SOX6: variants seen among roughly 807,000 people sequenced by gnomAD.
SOX6 encodes the protein transcription factor SOX-6.
SOX6 carries 11 observed loss-of-function variants against 97.8 expected under a neutral mutation model. That is an observed-to-expected ratio of 0.11 (90% CI 0.07 to 0.19). The LOEUF (loss-of-function observed/expected upper bound fraction) is 0.19, where lower values mean the gene tolerates loss of function less well. SOX6 is among the 10% of genes least tolerant of loss of function. The probability of loss-of-function intolerance (pLI) is 1.00; values close to 1 mark genes in which losing one functional copy is unlikely to be tolerated. For synonymous variants in SOX6, 360 were observed against 371.4 expected (o/e 0.97, Z 0.35); for missense variants, 810 against 1,039.5 (o/e 0.78, Z 3.04).
chr11:16,276,948 C>A (rs769731662), intron 3 of SOX6, among the ~76,000 whole-genome samples: 1 of 152,182 alleles, frequency 6.6e-6, no homozygotes, highest in Non-Finnish European at 1.5e-5. Flanking sequence ...TTTTAAAACA[C>A]TTAGCTTTTC....
At chr11:16,397,653 G>A (rs1206262144) in intron 1 of SOX6, 1 of 151,656 alleles carries the variant, frequency 6.6e-6, no homozygotes, top group East Asian at 1.9e-4. Context: ...ATTTATGAAG[G>A]TAGAAGGAAC....
chr11:16,627,085 A>G (rs1366683028), intron 3 of SOX6, among the ~76,000 whole-genome samples: 1 of 152,124 alleles, frequency 6.6e-6, no homozygotes, highest in Non-Finnish European at 1.5e-5. Flanking sequence ...TTGGTTTTCT[A>G]TTCCTGTGTT....
intron 4 of SOX6, among the ~76,000 whole-genome samples, chr11:16,504,033 A>G (rs1860747797): frequency 1.3e-5 from 2 of 149,194 alleles, no homozygotes; most frequent in Non-Finnish European, 1.5e-5. Context: ...ACAGAGTGAA[A>G]CTCCATCTCA....
At chr11:16,641,575 T>G (rs1239809865) in intron 3 of SOX6, among the ~76,000 whole-genome samples, 1 of 152,238 alleles carries the variant, frequency 6.6e-6, no homozygotes, top group Non-Finnish European at 1.5e-5. Context: ...ACTTGCTTTA[T>G]GAATCTGGGT....
intron 3 of SOX6, among the ~76,000 whole-genome samples, chr11:16,683,693 A>G (rs1409246303): frequency 6.6e-6 from 1 of 152,212 alleles, no homozygotes; most frequent in Non-Finnish European, 1.5e-5. Flanking sequence ...TTCATGACTA[A>G]AACACCAAAA....
At chr11:16,253,802 G>T (rs1853593232) in intron 3 of SOX6, among the ~76,000 whole-genome samples, 1 of 152,012 alleles carries the variant, frequency 6.6e-6, no homozygotes, top group Admixed American at 6.6e-5. Context: ...AACAATATTT[G>T]AAGCAACAAT....
chr11:16,525,143 T>A (rs1481142104), intron 4 of SOX6, among the ~76,000 whole-genome samples: 1 of 152,090 alleles, frequency 6.6e-6, no homozygotes, highest in Non-Finnish European at 1.5e-5. Context: ...TTAAAGTTCA[T>A]ATGGAACCAA....
At chr11:16,239,694 T>C (rs573624237) in intron 3 of SOX6, among the ~76,000 whole-genome samples, 5 of 152,188 alleles carry the variant, frequency 3.3e-5, no homozygotes, top group East Asian at 1.9e-4. Flanking sequence ...GGCAATGATA[T>C]AAACATCAAC....
intron 3 of SOX6, among the ~76,000 whole-genome samples, chr11:16,684,393 T>C (rs905076371): frequency 6.6e-6 from 1 of 152,144 alleles, no homozygotes; most frequent in Non-Finnish European, 1.5e-5. Context: ...TGGAATACTA[T>C]GCAGCCATAA....
intron 4 of SOX6, among the ~76,000 whole-genome samples, chr11:16,551,054 C>T (rs1285314002): frequency 6.6e-6 from 1 of 151,938 alleles, no homozygotes; most frequent in Non-Finnish European, 1.5e-5. Context: ...CCCAACTTTA[C>T]AAAAATATTA....
intron 3 of SOX6, among the ~76,000 whole-genome samples, chr11:16,693,174 C>T (rs1391460235): frequency 6.6e-6 from 1 of 152,068 alleles, no homozygotes; most frequent in Non-Finnish European, 1.5e-5. Flanking sequence ...AACTGCTTTC[C>T]ATAAATGTTG....
At chr11:16,224,285 G>T (rs1292664264) in intron 4 of SOX6, among the ~76,000 whole-genome samples, 1 of 151,924 alleles carries the variant, frequency 6.6e-6, no homozygotes, top group Non-Finnish European at 1.5e-5. Flanking sequence ...AACAATTTTA[G>T]CCAGTATTAT....
intron 3 of SOX6, among the ~76,000 whole-genome samples, chr11:16,634,583 C>T (rs976294064): frequency 3.3e-5 from 5 of 152,090 alleles, no homozygotes; most frequent in African/African-American, 4.8e-5. Context: ...TTTATTTAAT[C>T]AAGTCTATTG....
chr11:15,986,664 T>C (rs1209745495), intron 14 of SOX6, among the ~76,000 whole-genome samples: 2 of 152,216 alleles, frequency 1.3e-5, no homozygotes, highest in Non-Finnish European at 2.9e-5. Flanking sequence ...TATTTTAAAA[T>C]ATATCTTTGC....
At chr11:16,540,274 T>A (rs926865976) in intron 4 of SOX6, among the ~76,000 whole-genome samples, 16 of 152,282 alleles carry the variant, frequency 1.1e-4, no homozygotes, top group Admixed American at 8.5e-4. Flanking sequence ...TCAACAGCCC[T>A]TCATGCTAAA....
At chr11:16,360,209 A>G (rs1857174256), upstream of SOX6, among the ~76,000 whole-genome samples, 2 of 152,252 alleles carry the variant, frequency 1.3e-5, no homozygotes, top group South Asian at 4.2e-4. Context: ...AAGTTGTACA[A>G]CTAGTAAGAG....
At chr11:16,498,183 A>C (rs531923030) in intron 4 of SOX6, among the ~76,000 whole-genome samples, 6 of 152,342 alleles carry the variant, frequency 3.9e-5, no homozygotes, top group Non-Finnish European at 5.9e-5. Context: ...GAAGAAAAGA[A>C]TTTTCAACCT....
chr11:16,067,258 T>C (rs1250711642), intron 9 of SOX6, among the ~76,000 whole-genome samples: 1 of 152,170 alleles, frequency 6.6e-6, no homozygotes. Context: ...GGCAAAATAA[T>C]ATGGTTTTGT....
At chr11:16,348,682 A>T (rs2134353194) in intron 1 of SOX6, among the ~76,000 whole-genome samples, 1 of 152,268 alleles carries the variant, frequency 6.6e-6, no homozygotes, top group Non-Finnish European at 1.5e-5. Context: ...TATATCATTA[A>T]AGGGTATGTC....
Sources: allele counts gnomAD v4.1 joint callset (sites outside exome capture counted in the v4.1 genomes callset), GRCh38; gene constraint gnomAD v4.1.1; transcripts MANE v1.5; gene names NCBI Gene and HGNC (gene_info 2026-07-23, HGNC 2026-07-21).